CDH13: variants seen among roughly 807,000 people sequenced by gnomAD.
CDH13 encodes cadherin 13, also known as cadherin-13.
A neutral mutation model predicts 63.8 loss-of-function variants in CDH13; 24 were observed. The ratio of observed to expected loss-of-function variants is 0.38; its 90% CI spans 0.27 to 0.53. The LOEUF (loss-of-function observed/expected upper bound fraction) is 0.53, where lower values mean the gene tolerates loss of function less well. Ranked by LOEUF, CDH13 falls within the 20% of genes least tolerant of loss-of-function variation. The pLI, the probability that CDH13 is intolerant of heterozygous loss-of-function variation, is 0.85. For missense variants in CDH13, 1,049 were observed against 903.1 expected (o/e 1.16, Z -2.07); for synonymous variants, 503 against 355.3 (o/e 1.42, Z -4.67).
intron 1 of CDH13, among the ~76,000 whole-genome samples, chr16:82,763,970 G>T (rs1597502258): frequency 6.6e-6 from 1 of 152,288 alleles, no homozygotes; most frequent in African/African-American, 2.4e-5. Flanking sequence ...ACTGTGCCTG[G>T]CCATCCCTGG....
chr16:83,382,220 C>G (rs1460434798), intron 6 of CDH13, among the ~76,000 whole-genome samples: 2 of 152,186 alleles, frequency 1.3e-5, no homozygotes, highest in Admixed American at 6.5e-5. Context: ...AAGTACTTAG[C>G]TTGCTGCCTG....
chr16:83,318,561 C>G (rs906497675), intron 5 of CDH13, among the ~76,000 whole-genome samples: 7 of 152,298 alleles, frequency 4.6e-5, no homozygotes, highest in African/African-American at 1.7e-4. Context: ...TTCTGTTACT[C>G]AAAATTGGCC....
In CDH13 at chr16:82,869,166, C is replaced by A. The variant is rs143283427; in HGVS notation, c.157+10693C>A. Among the ~76,000 whole-genome samples the A allele has an allele frequency of 9.1e-3, 1,382 of 152,258 alleles. 23 individuals are homozygous for A. The highest frequency in any genetic ancestry group is 0.032 in the African/African-American group (1,310 of 41,526). On this transcript the variant is annotated intron_variant, in intron 2 of 13. Coordinates refer to ENST00000567109, the MANE Select transcript of CDH13 (RefSeq NM_001257.5). ...GGTTCAAGCTATTCTCATGCCTCAG[C>A]CTTCCGAGTAGCTGGGACTACAGAA...
intron 2 of CDH13, among the ~76,000 whole-genome samples, chr16:82,884,905 C>G (rs533546422): frequency 2.0e-5 from 3 of 152,180 alleles, no homozygotes; most frequent in Admixed American, 6.5e-5. Context: ...TTTTTATTTT[C>G]TAGCCAGCTA....
chr16:82,652,340 C>T (rs1910815686), intron 1 of CDH13, among the ~76,000 whole-genome samples: 1 of 152,178 alleles, frequency 6.6e-6, no homozygotes, highest in South Asian at 2.1e-4. Flanking sequence ...AGGATTGTGC[C>T]TGTGGTTTTT....
Position 83,795,333 on chromosome 16 carries a change from G to A in CDH13, c.*303G>A, listed in dbSNP as rs1904276207. The A allele has an allele frequency of 2.6e-6, 1 of 387,556 alleles. No homozygotes were observed. Among genetic ancestry groups the A allele is most frequent in the Admixed American group, 4.2e-5 (1 of 24,068 alleles). 24.0% of individuals were successfully genotyped at this position (387,556 alleles called of 1,614,324 possible). A position where few individuals can be genotyped will look rare whatever the true frequency, so the allele number is the denominator to read the frequency against. Reference sequence around the variant, plus strand: ...ACTACTTTTTCTGGTGTGTTAACATGTCGCTAGCCAGTGCTCCAGGCACCC... The same window carrying A: ...ACTACTTTTTCTGGTGTGTTAACATATCGCTAGCCAGTGCTCCAGGCACCC... On this transcript the variant is annotated 3_prime_UTR_variant, in exon 14 of 14. Coordinates refer to ENST00000567109, the MANE Select transcript of CDH13 (RefSeq NM_001257.5).
intron 2 of CDH13, among the ~76,000 whole-genome samples, chr16:82,940,328 G>A (rs1256049525): frequency 2.6e-5 from 4 of 152,000 alleles, no homozygotes; most frequent in African/African-American, 9.7e-5. Flanking sequence ...AAATGGAGAC[G>A]GCAAAAATTA....
intron 7 of CDH13, among the ~76,000 whole-genome samples, chr16:83,601,861 G>C (rs972461745): frequency 6.6e-6 from 1 of 152,016 alleles, no homozygotes; most frequent in Non-Finnish European, 1.5e-5. Context: ...TTGGGAGGCT[G>C]AGGCAGGCAG....
intron 6 of CDH13, among the ~76,000 whole-genome samples, chr16:83,368,231 T>G (rs1294527555): frequency 6.6e-6 from 1 of 152,234 alleles, no homozygotes; most frequent in Non-Finnish European, 1.5e-5. Context: ...AGCCCAACAT[T>G]CATATTCTGT....
intron 7 of CDH13, among the ~76,000 whole-genome samples, chr16:83,510,266 C>T (rs1165748401): frequency 1.3e-5 from 2 of 152,034 alleles, no homozygotes; most frequent in African/African-American, 4.8e-5. Context: ...TTTTTTTGCT[C>T]TCCGAGATGG....
At chr16:83,646,102 T>C (rs1911766919) in intron 8 of CDH13, among the ~76,000 whole-genome samples, 2 of 152,230 alleles carry the variant, frequency 1.3e-5, no homozygotes, top group South Asian at 4.1e-4. Flanking sequence ...TGGGCCCTAG[T>C]GTGGGACCAT....
chr16:83,704,867 A>T (rs1404548113), intron 10 of CDH13, among the ~76,000 whole-genome samples: 1 of 152,254 alleles, frequency 6.6e-6, no homozygotes, highest in Non-Finnish European at 1.5e-5. Flanking sequence ...ACTGTTTGTT[A>T]TGCAGCATCA....
chr16:82,771,305 A>G (rs1392022885), intron 1 of CDH13, among the ~76,000 whole-genome samples: 2 of 152,248 alleles, frequency 1.3e-5, no homozygotes, highest in African/African-American at 2.4e-5. Flanking sequence ...AATTATATAC[A>G]GAGCACTGGG....
chr16:83,163,745 A>G (rs1210714442), intron 4 of CDH13, among the ~76,000 whole-genome samples: 1 of 152,134 alleles, frequency 6.6e-6, no homozygotes, highest in African/African-American at 2.4e-5. Flanking sequence ...GCTGTCATAT[A>G]GCATAAAGCC....
chr16:83,196,509 T>G (rs533513653), intron 4 of CDH13, among the ~76,000 whole-genome samples: 1 of 152,216 alleles, frequency 6.6e-6, no homozygotes, highest in East Asian at 1.9e-4. Flanking sequence ...AGCTATAGAC[T>G]AGGAGAAAAT....
intron 2 of CDH13, among the ~76,000 whole-genome samples, chr16:82,889,821 T>C (rs9929829): frequency 0.39 from 58,902 of 152,122 alleles, 11,974 homozygotes; most frequent in African/African-American, 0.44. Flanking sequence ...ACAACTAAAA[T>C]ACGTAAGTCT....
chr16:83,395,608 T>G (rs184762489), intron 6 of CDH13, among the ~76,000 whole-genome samples: 9 of 152,278 alleles, frequency 5.9e-5, no homozygotes, highest in Non-Finnish European at 1.2e-4. Context: ...GTTGAAGTTT[T>G]CCTTCAGCCT....
At chr16:82,856,060 A>T (rs2039671329) in intron 1 of CDH13, among the ~76,000 whole-genome samples, 1 of 152,136 alleles carries the variant, frequency 6.6e-6, no homozygotes, top group Non-Finnish European at 1.5e-5. Flanking sequence ...AATTTGAGTG[A>T]TGGCAGAAAT....
At chr16:83,472,506 G>T (rs1422704538) in intron 6 of CDH13, among the ~76,000 whole-genome samples, 1 of 152,216 alleles carries the variant, frequency 6.6e-6, no homozygotes, top group Non-Finnish European at 1.5e-5. Context: ...AGGCAGTGGA[G>T]TCAGGGCACC....
Sources: allele counts gnomAD v4.1 joint callset (sites outside exome capture counted in the v4.1 genomes callset), GRCh38; gene constraint gnomAD v4.1.1; transcripts MANE v1.5; gene names NCBI Gene and HGNC (gene_info 2026-07-23, HGNC 2026-07-21).